The following ARFGEF1 variants were observed in gnomAD, a reference collection of about 807,000 sequenced individuals.
ARFGEF1 encodes the protein ARF guanine nucleotide exchange factor 1, also known as brefeldin A-inhibited guanine nucleotide-exchange protein 1.
Under a neutral mutation model 231.0 loss-of-function variants are expected in ARFGEF1, and 42 were observed. The ratio of observed to expected loss-of-function variants is 0.18; its 90% CI spans 0.14 to 0.24. ARFGEF1 has a LOEUF of 0.24. ARFGEF1 is among the 10% of genes least tolerant of loss of function. The pLI, the probability that ARFGEF1 is intolerant of heterozygous loss-of-function variation, is 1.00. For missense variants in ARFGEF1, 1,345 were observed against 2,192.0 expected, an observed-to-expected ratio of 0.61 and a Z score of 7.72; for synonymous variants, 710 against 732.3, an observed-to-expected ratio of 0.97 and a Z score of 0.49.
intron 9 of ARFGEF1, among the ~76,000 whole-genome samples, chr8:67,273,588 C>T (rs1395712311): frequency 6.6e-6 from 1 of 151,908 alleles, no homozygotes; most frequent in Non-Finnish European, 1.5e-5. Context: ...GTTAATTTCA[C>T]GTAAATGGGT....
chr8:67,283,538 T>C (rs562196209), intron 7 of ARFGEF1, among the ~76,000 whole-genome samples: 16 of 152,112 alleles, frequency 1.1e-4, no homozygotes, highest in Non-Finnish European at 2.2e-4. Flanking sequence ...AAAAATTATG[T>C]ACAGCAAAAC....
chr8:67,313,584 C>T (rs1419118969), intron 1 of ARFGEF1, among the ~76,000 whole-genome samples: 1 of 152,184 alleles, frequency 6.6e-6, no homozygotes, highest in Non-Finnish European at 1.5e-5. Flanking sequence ...CGAGTCTACC[C>T]AGCTCCAGGC....
At chr8:67,251,244 A>C in intron 19 of ARFGEF1, 55 bp downstream of exon 19, 3 of 1,450,318 alleles carry the variant, frequency 2.1e-6, no homozygotes, top group Non-Finnish European at 2.7e-6. Context: ...AAATATTATA[A>C]ATGTAGTTAT....
intron 3 of ARFGEF1, among the ~76,000 whole-genome samples, chr8:67,300,225 A>G (rs1326582311): frequency 1.3e-5 from 2 of 152,202 alleles, no homozygotes; most frequent in Non-Finnish European, 2.9e-5. Flanking sequence ...CAAGATCACA[A>G]TTCAGATGAA....
chr8:67,341,501 G>A (rs1440268523), intron 1 of ARFGEF1, among the ~76,000 whole-genome samples: 1 of 151,942 alleles, frequency 6.6e-6, no homozygotes, highest in Non-Finnish European at 1.5e-5. Context: ...GGAGGCTGAG[G>A]CAGGAGGAAT....
chr8:67,220,657 C>A (rs1228592570), intron 29 of ARFGEF1, among the ~76,000 whole-genome samples: 1 of 152,222 alleles, frequency 6.6e-6, no homozygotes, highest in East Asian at 1.9e-4. Flanking sequence ...AGACGCCTGT[C>A]AGAGTTCCAC....
chr8:67,195,549 C>G, downstream of ARFGEF1: 1 of 1,614,168 alleles, frequency 6.2e-7, no homozygotes, highest in South Asian at 1.1e-5. Flanking sequence ...TCCTGGAAAA[C>G]CAGGCACTTT....
intron 7 of ARFGEF1, among the ~76,000 whole-genome samples, chr8:67,281,860 C>T (rs1041096912): frequency 6.6e-6 from 1 of 151,794 alleles, no homozygotes; most frequent in African/African-American, 2.4e-5. Flanking sequence ...AATAATTTAA[C>T]AAAAAATGTG....
rs60905220 is a variant in ARFGEF1, at chr8:67,222,182, C to CATATAT, written c.4209-2628_4209-2623dup. 7.9e-4 allele frequency among the ~76,000 whole-genome samples: 93 copies of CATATAT among 117,728 alleles called. 1 individual carries two copies. Among genetic ancestry groups the CATATAT allele is most frequent in the African/African-American group, 2.3e-3 (60 of 25,758 alleles). 77.2% of individuals were successfully genotyped at this position (117,728 alleles called of 152,430 possible). On this transcript the variant is annotated intron_variant, in intron 29 of 38. Transcript: ENST00000262215. ...TTCCATGCATATATATATATATACA[C>CATATAT]ATATATATATATATATATATATACA... is the stretch of plus-strand genomic sequence containing the variant.
chr8:67,194,979 A>AAAAAT (rs1319151961), downstream of ARFGEF1, among the ~76,000 whole-genome samples: 1 of 152,180 alleles, frequency 6.6e-6, no homozygotes, highest in African/African-American at 2.4e-5. Context: ...TTGCTTTAAA[A>AAAAAT]AAAATAAAAA....
At position 67,299,307 on chromosome 8, in the gene ARFGEF1, T is replaced by G. The variant is rs1353450636; in HGVS notation, c.361A>C (p.Thr121Pro). 2 of 1,611,394 alleles carry G rather than the reference T, an allele frequency of 1.2e-6. No homozygotes were observed. Among genetic ancestry groups the G allele is most frequent in the East Asian group, 2.2e-5 (1 of 44,808 alleles). The change falls in exon 4 of 39, where the codon ACA becomes CCA. Residue 121 changes from threonine to proline, a missense_variant. This residue lies in a region of ARFGEF1 where 398 missense variants were observed against 463.2 expected (regional missense o/e 0.86). Coordinates refer to ENST00000262215, the MANE Select transcript of ARFGEF1 (RefSeq NM_006421.5). ...HLTGNAPDST[T>P]PGKKLIDRII... ...CTATCAATTAATTTTTTGCCTGGTGTTGTACTATCTGGAGCATTGCCAGTC... is the reference window on the plus strand; with the variant it reads ...CTATCAATTAATTTTTTGCCTGGTGGTGTACTATCTGGAGCATTGCCAGTC...
chr8:67,235,249 T>C (rs1839689394), intron 22 of ARFGEF1, among the ~76,000 whole-genome samples: 1 of 151,692 alleles, frequency 6.6e-6, no homozygotes, highest in Non-Finnish European at 1.5e-5. Context: ...ATATGTGAAA[T>C]CCCTTAATGA....
chr8:67,244,253 A>AAC (rs1840026656), intron 19 of ARFGEF1, among the ~76,000 whole-genome samples: 1 of 26,378 alleles, frequency 3.8e-5, no homozygotes, highest in Non-Finnish European at 6.5e-5. Flanking sequence ...AAAAAAAAAA[A>AAC]AAAAAAAAAA....
intron 5 of ARFGEF1, chr8:67,177,627 A>G: frequency 8.6e-7 from 1 of 1,161,148 alleles, no homozygotes; most frequent in South Asian, 1.3e-5. Flanking sequence ...TTTAATTTAT[A>G]TAGTAAGCAT....
chr8:67,257,876 T>C (rs2128889165), intron 16 of ARFGEF1, 60 bp from the exon 17 acceptor site: 1 of 1,412,484 alleles, frequency 7.1e-7, no homozygotes, highest in Non-Finnish European at 9.8e-7. Flanking sequence ...TTCATTTAAA[T>C]AAGTCACCTC....
At chr8:67,311,276 G>A (rs1368356971) in intron 1 of ARFGEF1, among the ~76,000 whole-genome samples, 7 of 133,122 alleles carry the variant, frequency 5.3e-5, no homozygotes, top group South Asian at 2.4e-4. Context: ...CGCCCCGTCC[G>A]GGAGGGAGGT....
At chr8:67,302,495 T>C in intron 1 of ARFGEF1, 29 bp from the exon 2 acceptor site, 1 of 1,529,420 alleles carries the variant, frequency 6.5e-7, no homozygotes, top group Non-Finnish European at 8.8e-7. Flanking sequence ...AAGCATACAT[T>C]AGAAAACTGG....
intron 7 of ARFGEF1, among the ~76,000 whole-genome samples, chr8:67,283,664 C>A (rs537069761): frequency 6.6e-6 from 1 of 152,022 alleles, no homozygotes; most frequent in Non-Finnish European, 1.5e-5. Flanking sequence ...GGATAAAAAT[C>A]TGATGGAAAA....
chr8:67,198,344 C>T lies in ARFGEF1; in HGVS notation c.*590G>A, dbSNP rs1410746698. 1.3e-5 allele frequency: 13 copies of T among 984,096 alleles called. No homozygotes were observed. Among genetic ancestry groups the T allele is most frequent in the African/African-American group, 3.5e-5 (2 of 57,144 alleles). The allele number at this position is 984,096 out of a possible 1,614,324, so 61.0% of individuals were successfully genotyped here. On this transcript the variant is annotated 3_prime_UTR_variant, in exon 39 of 39. Transcript: ENST00000262215. The stretch of plus-strand genomic sequence containing the variant: ...CAAATGAATAAGAAAATAAAGAAAA[C>T]AGTGCAGGAAGAACTATATAATGTT...
Sources: gnomAD v4.1 joint callset for allele counts (sites outside exome capture counted in the v4.1 genomes callset) on GRCh38, gnomAD v4.1.1 for gene constraint, gnomAD v4.1.1 regional missense constraint, MANE v1.5 for transcripts, NCBI Gene and HGNC (gene_info 2026-07-23, HGNC 2026-07-21) for gene names.